The following GON4L variants were observed in gnomAD, a reference collection of about 807,000 sequenced individuals.
GON4L encodes gon-4 like, also known as GON-4-like protein.
In GON4L, 87 loss-of-function variants were observed where a neutral mutation model predicts 211.8. The observed-to-expected ratio is 0.41, with a 90% CI of 0.35 to 0.49. GON4L has a LOEUF of 0.49. Among genes scored for constraint, GON4L ranks in the 20% least tolerant of loss-of-function variants. The pLI is 0.15. For synonymous variants in GON4L, 875 were observed against 962.6 expected (o/e 0.91, Z 1.68); for missense variants, 2,155 against 2,659.5 (o/e 0.81, Z 4.17).
In GON4L at chr1:155,765,449, G is replaced by A. The variant is rs190359365; in HGVS notation, c.4024C>T (p.Arg1342Cys). The A allele has an allele frequency of 2.7e-4, 440 of 1,614,062 alleles. 6 individuals carry two copies. The East Asian group carries it at 9.4e-3, about 34-fold the overall frequency. ...AREEISGSPE[R>C]DICDDIKVEH... The stretch of plus-strand genomic sequence containing the variant: ...ACTTTGATGTCATCACAAATATCAC[G>A]CTCAGGGGATCCACTGATTTCCTCT... Residue 1342 changes from arginine (R) to cysteine (C), a missense_variant, in exon 21 of 32, where the codon CGT becomes TGT. By Grantham distance (180) the Arg-to-Cys change is radical. Around this residue, in one of 6 missense-constraint regions of GON4L, gnomAD observed 615 missense variants for 625.7 expected, o/e 0.98. Coordinates refer to ENST00000368331, the MANE Select transcript of GON4L (RefSeq NM_001282860.2).
rs534944304 is a variant in GON4L, at chr1:155,762,323, T to C, written c.4778A>G (p.Asn1593Ser). The change falls in exon 23 of 32, where the codon AAC becomes AGC. Residue 1593 changes from asparagine (N) to serine (S), a missense_variant. Asn to Ser is a conservative substitution (Grantham distance 46, BLOSUM62 1). This residue lies in a region of GON4L where 455 missense variants were observed against 504.6 expected (regional missense o/e 0.90). Coordinates refer to ENST00000368331, the MANE Select transcript of GON4L (RefSeq NM_001282860.2). Reference protein sequence around the residue: ...GKGRNNHRARNKRGSRARASK... With the variant: ...GKGRNNHRARSKRGSRARASK... ...GGCCCGAGCCCGACTTCCCCGCTTG[T>C]TGCGAGCTCGATGATTGTTCCGGCC... is the stretch of plus-strand genomic sequence containing the variant. 1.9e-5 allele frequency: 30 copies of C among 1,613,616 alleles called. No individual in the cohort carries two copies. The South Asian group carries it at 2.3e-4, about 12-fold the overall frequency.
chr1:155,788,549 T>C (rs1056748260), intron 12 of GON4L, among the ~76,000 whole-genome samples: 8 of 151,964 alleles, frequency 5.3e-5, no homozygotes, highest in African/African-American at 1.7e-4. Context: ...CACAAAAAAG[T>C]TCAGCGCAGC....
rs1175805065 is a variant in GON4L, at chr1:155,813,537, T to TA, written c.1452+96dup. ...TATCAAAGACTAACTCTTACTTATATAAAATTGTAGTTATCTTTTCCTCTC... is the reference window on the plus strand; with the variant it reads ...TATCAAAGACTAACTCTTACTTATATAAAAATTGTAGTTATCTTTTCCTCTC... On this transcript the variant is annotated intron_variant, in intron 10 of 31. Coordinates refer to ENST00000368331, the MANE Select transcript of GON4L (RefSeq NM_001282860.2). 1.0e-5 allele frequency: 9 copies of TA among 898,636 alleles called. No individual in the cohort carries two copies. In the African/African-American group the frequency reaches 1.5e-4, roughly 15 times the overall value. The allele number at this position is 898,636 out of a possible 1,614,324, so 55.7% of individuals were successfully genotyped here. A position where few individuals can be genotyped will look rare whatever the true frequency, so the allele number is the denominator to read the frequency against.
At chr1:155,791,004 G>A (rs1433884493) in intron 12 of GON4L, among the ~76,000 whole-genome samples, 1 of 151,468 alleles carries the variant, frequency 6.6e-6, no homozygotes, top group East Asian at 1.9e-4. Context: ...GCTCGCGCTT[G>A]TAATCCCAGC....
chr1:155,824,270 A>AG (rs1294221488), intron 3 of GON4L, among the ~76,000 whole-genome samples: 2 of 150,846 alleles, frequency 1.3e-5, no homozygotes, highest in African/African-American at 4.9e-5. Flanking sequence ...TAAAAAAAAA[A>AG]AAATAATACA....
At chr1:155,768,339 C>T (rs1662781520) in intron 19 of GON4L, among the ~76,000 whole-genome samples, 1 of 148,362 alleles carries the variant, frequency 6.7e-6, no homozygotes, top group Admixed American at 6.8e-5. Context: ...AGGCCAGGCG[C>T]AGTGGCTCAC....
At chr1:155,774,432 C>A (rs973061614) in intron 17 of GON4L, among the ~76,000 whole-genome samples, 5 of 151,890 alleles carry the variant, frequency 3.3e-5, no homozygotes, top group Non-Finnish European at 7.4e-5. Flanking sequence ...CCTCAGCCTC[C>A]CGAGTAGCTG....
chr1:155,798,861 T>G (rs763690755), intron 11 of GON4L, among the ~76,000 whole-genome samples: 5 of 152,070 alleles, frequency 3.3e-5, no homozygotes, highest in Non-Finnish European at 7.4e-5. Context: ...CACAAATGGG[T>G]CAGCGAATAT....
rs149977965 is a variant in GON4L, at chr1:155,773,937, T to C, written c.2351-727A>G. 3.8e-3 allele frequency among the ~76,000 whole-genome samples: 586 copies of C among 152,346 alleles called. 5 individuals are homozygous for C. The highest frequency in any genetic ancestry group is 0.013 in the African/African-American group (561 of 41,572). Reference sequence around the variant, plus strand: ...CATTACCATTTCATATCATTTAATATAGCTGTTAAAGCAGTTTGGGATCCG... The same window carrying C: ...CATTACCATTTCATATCATTTAATACAGCTGTTAAAGCAGTTTGGGATCCG... On this transcript the variant is annotated intron_variant, in intron 17 of 31. Transcript: ENST00000368331.
chr1:155,826,716 A>C, intron 3 of GON4L, 121 bp downstream of exon 3: 3 of 707,314 alleles, frequency 4.2e-6, no homozygotes, highest in South Asian at 1.6e-5. Context: ...CCTGCTTACA[A>C]GGGTGTATTA....
intron 5 of GON4L, among the ~76,000 whole-genome samples, chr1:155,821,201 G>A (rs190632552): frequency 0.014 from 2,166 of 152,164 alleles, 19 homozygotes; most frequent in Non-Finnish European, 0.022. Flanking sequence ...GGGAGGCGGA[G>A]CTTGCAATGA....
Position 155,757,245 on chromosome 1 carries a change from G to C in GON4L, c.5332C>G (p.Arg1778Gly), listed in dbSNP as rs372943625. The change falls in exon 26 of 32, where the codon CGC becomes GGC. Residue 1778 changes from arginine to glycine, a missense_variant. Around this residue, in one of 6 missense-constraint regions of GON4L, gnomAD observed 455 missense variants for 504.6 expected, o/e 0.90. Coordinates refer to ENST00000368331, the MANE Select transcript of GON4L (RefSeq NM_001282860.2). ...DEFSIFFDHL[R>G]PAASRMGDFE... ...TCACCCATCCGGCTAGCTGCTGGGCGCAAGTGGTCAAAGAAGATAGAAAAC... is the reference window on the plus strand; with the variant it reads ...TCACCCATCCGGCTAGCTGCTGGGCCCAAGTGGTCAAAGAAGATAGAAAAC... 6.2e-7 allele frequency: 1 copy of C among 1,613,940 alleles called. No homozygotes were observed. The highest frequency in any genetic ancestry group is 1.7e-5 in the Admixed American group (1 of 60,008).
At chr1:155,795,413 T>C (rs1057192939) in intron 11 of GON4L, among the ~76,000 whole-genome samples, 3 of 152,106 alleles carry the variant, frequency 2.0e-5, no homozygotes, top group Admixed American at 6.5e-5. Context: ...GTATATTCCA[T>C]GAAAATAATA....
At chr1:155,854,400 C>T (rs1672090481) in intron 1 of GON4L, among the ~76,000 whole-genome samples, 1 of 152,132 alleles carries the variant, frequency 6.6e-6, no homozygotes, top group Non-Finnish European at 1.5e-5. Context: ...TGAGATCCAC[C>T]CGCCTCGGCC....
chr1:155,820,209 C>A (rs969401880), intron 6 of GON4L, among the ~76,000 whole-genome samples: 2 of 152,204 alleles, frequency 1.3e-5, no homozygotes, highest in African/African-American at 4.8e-5. Flanking sequence ...CCACTACACC[C>A]AGCCAAAAGT....
At chr1:155,759,849 C>G (rs1661586751) in intron 24 of GON4L, among the ~76,000 whole-genome samples, 1 of 151,276 alleles carries the variant, frequency 6.6e-6, no homozygotes, top group African/African-American at 2.4e-5. Context: ...GTGTATAAAA[C>G]CACCCCTCTA....
intron 6 of GON4L, among the ~76,000 whole-genome samples, chr1:155,818,200 C>A (rs1040115661): frequency 6.6e-6 from 1 of 151,912 alleles, no homozygotes; most frequent in Admixed American, 6.6e-5. Flanking sequence ...CCGCTCACTG[C>A]AACCTCTCCC....
In GON4L at chr1:155,821,534, A is replaced by G; in HGVS notation, c.903T>C (p.Asn301=). ...VRNILHEVIT[N]EHVVAMMKAA... is the part of the protein sequence containing the mutation. ...CTTTCATCATAGCTACCACGTGTTC[A>G]TTTGTGATTACTTCCTGGAGAAAGA... Residue 301 remains asparagine, a synonymous_variant, in exon 5 of 32, where the codon AAT becomes AAC. Transcript: ENST00000368331. 6.2e-7 allele frequency: 1 copy of G among 1,600,824 alleles called. No individual in the cohort carries two copies. Among genetic ancestry groups the G allele is most frequent in the Non-Finnish European group, 8.6e-7 (1 of 1,168,122 alleles).
chr1:155,746,073 T>G, downstream of GON4L: 1 of 791,800 alleles, frequency 1.3e-6, no homozygotes, highest in Non-Finnish European at 2.0e-6. Flanking sequence ...ACGTCCTGTA[T>G]CGTACGGGCC....
Sources: gnomAD v4.1 joint callset for allele counts (sites outside exome capture counted in the v4.1 genomes callset) on GRCh38, gnomAD v4.1.1 for gene constraint, gnomAD v4.1.1 regional missense constraint, MANE v1.5 for transcripts, NCBI Gene and HGNC (gene_info 2026-07-23, HGNC 2026-07-21) for gene names.